CDH4: variants seen among roughly 807,000 people sequenced by gnomAD.
The protein encoded by CDH4 is cadherin-4.
A neutral mutation model predicts 86.0 loss-of-function variants in CDH4; 33 were observed. The observed-to-expected ratio is 0.38, with a 90% CI of 0.29 to 0.51. CDH4 has a LOEUF of 0.51. Ranked by LOEUF, CDH4 falls within the 20% of genes least tolerant of loss-of-function variation. CDH4 has a pLI of 0.86. For missense variants in CDH4, 1,114 were observed against 1,307.4 expected (o/e 0.85, Z 2.28); for synonymous variants, 555 against 549.4 (o/e 1.01, Z -0.14).
chr20:61,863,342 C>T (rs903206619), intron 6 of CDH4, among the ~76,000 whole-genome samples: 5 of 152,206 alleles, frequency 3.3e-5, no homozygotes, highest in African/African-American at 1.2e-4. Context: ...ATACTCAGGT[C>T]TGTCTGCTGG....
chr20:61,354,173 C>A (rs755960336), intron 2 of CDH4, among the ~76,000 whole-genome samples: 1 of 152,010 alleles, frequency 6.6e-6, no homozygotes, highest in Non-Finnish European at 1.5e-5. Context: ...GCTTAGGACG[C>A]CCCCCACCCC....
At chr20:61,833,585 A>G (rs1434017255) in intron 4 of CDH4, among the ~76,000 whole-genome samples, 1 of 149,480 alleles carries the variant, frequency 6.7e-6, no homozygotes, top group Non-Finnish European at 1.5e-5. Flanking sequence ...ATTTATTGAC[A>G]AAGCTCAGTA....
intron 13 of CDH4, among the ~76,000 whole-genome samples, chr20:61,931,799 A>G (rs539897326): frequency 8.0e-4 from 122 of 152,266 alleles, no homozygotes; most frequent in African/African-American, 2.8e-3. Context: ...GAAGGCAGGA[A>G]GAATCCAGTT....
intron 4 of CDH4, among the ~76,000 whole-genome samples, chr20:61,823,161 C>G (rs1981131267): frequency 8.0e-6 from 1 of 124,748 alleles, no homozygotes; most frequent in South Asian, 2.8e-4. Flanking sequence ...ATGAGGCCCA[C>G]TCACACTGTT....
intron 2 of CDH4, among the ~76,000 whole-genome samples, chr20:61,355,044 T>TCG (rs1417154714): frequency 1.5e-5 from 2 of 136,890 alleles, no homozygotes; most frequent in Non-Finnish European, 3.3e-5. Context: ...GGTTTTGGCT[T>TCG]CACACTCAGC....
In CDH4 at chr20:61,681,755, G is replaced by A. The variant is rs753801206; in HGVS notation, c.170-61808G>A. Among the ~76,000 whole-genome samples, 2 of 152,226 alleles carry A rather than the reference G, an allele frequency of 1.3e-5. No homozygotes were observed. Among genetic ancestry groups the A allele is most frequent in the African/African-American group, 2.4e-5 (1 of 41,462 alleles). On this transcript the variant is annotated intron_variant, in intron 2 of 15. Coordinates refer to ENST00000614565, the MANE Select transcript of CDH4 (RefSeq NM_001794.5). The surrounding 1 kb of genome is among the most constrained non-coding windows in gnomAD (Gnocchi z 4.5). ...TGCCACCCTAGAAAGCCCTGCGTCG[G>A]TGTTGCTGTGTTCTCAGGCCCGTGC...
At chr20:61,857,142 C>T (rs528933802) in intron 6 of CDH4, among the ~76,000 whole-genome samples, 1 of 152,272 alleles carries the variant, frequency 6.6e-6, no homozygotes, top group South Asian at 2.1e-4. Context: ...CATACCCCTC[C>T]CCGGGGCAGA....
intron 2 of CDH4, among the ~76,000 whole-genome samples, chr20:61,720,667 A>G (rs1301984450): frequency 1.3e-5 from 2 of 151,142 alleles, no homozygotes; most frequent in Non-Finnish European, 2.9e-5. Flanking sequence ...TGTTCTGTGT[A>G]TTTGCTTGCA....
chr20:61,827,371 C>T (rs1367560992), intron 4 of CDH4, among the ~76,000 whole-genome samples: 2 of 152,068 alleles, frequency 1.3e-5, no homozygotes, highest in Admixed American at 6.5e-5. Flanking sequence ...CTTTCAGTAA[C>T]CATGTTGTTT....
intron 15 of CDH4, among the ~76,000 whole-genome samples, chr20:61,935,472 TGTTA>T (rs1236337103): frequency 2.0e-5 from 3 of 151,682 alleles, no homozygotes; most frequent in Admixed American, 6.6e-5. Flanking sequence ...GCCCACTGTT[TGTTA>T]GCCAGGCGCG....
rs372588973 is a variant in CDH4 at position 61,619,248 on chromosome 20, G to C, written c.170-124315G>C. On this transcript the variant is annotated intron_variant, in intron 2 of 15. Transcript: ENST00000614565. Reference sequence around the variant, plus strand: ...CACTTGCTGGATGAAACTAGCCCCAGCCCCAGCCCCAGCTGCCATTCCCTC... The same window carrying C: ...CACTTGCTGGATGAAACTAGCCCCACCCCCAGCCCCAGCTGCCATTCCCTC... 3.3e-5 allele frequency among the ~76,000 whole-genome samples: 5 copies of C among 152,084 alleles called. No individual in the cohort carries two copies. The East Asian group carries it at 9.7e-4, about 29-fold the overall frequency.
At chr20:61,266,902 A>G (rs576863791) in intron 2 of CDH4, among the ~76,000 whole-genome samples, 1 of 152,336 alleles carries the variant, frequency 6.6e-6, no homozygotes, top group East Asian at 1.9e-4. Context: ...CAGAATCTCT[A>G]GATGAGATCA....
At position 61,676,328 on chromosome 20, in the gene CDH4, C is replaced by A. The variant is rs939760461; in HGVS notation, c.170-67235C>A. Reference sequence around the variant, plus strand: ...AAATGAATAGTGCGATTGAATACTGCGGCCCCCAGAGGAGGTGGGATTGCA... The same window carrying A: ...AAATGAATAGTGCGATTGAATACTGAGGCCCCCAGAGGAGGTGGGATTGCA... On this transcript the variant is annotated intron_variant, in intron 2 of 15. Coordinates refer to ENST00000614565, the MANE Select transcript of CDH4 (RefSeq NM_001794.5). This position sits in a 1 kb window ranked among gnomAD's most constrained non-coding sequence, Gnocchi z 4.5. Among the ~76,000 whole-genome samples, 1 of 152,200 alleles carries A rather than the reference C, an allele frequency of 6.6e-6. No homozygotes were observed. Among genetic ancestry groups the A allele is most frequent in the Non-Finnish European group, 1.5e-5 (1 of 68,040 alleles).
rs1237002552 is a variant in CDH4, at chr20:61,626,183, T to C, written c.170-117380T>C. On this transcript the variant is annotated intron_variant, in intron 2 of 15. Transcript: ENST00000614565. Reference sequence around the variant, plus strand: ...ATTCTAGAGGTGGCAGTGGGAGAGTTGTTAACCAGAATTGAACTGTCGACT... The same window carrying C: ...ATTCTAGAGGTGGCAGTGGGAGAGTCGTTAACCAGAATTGAACTGTCGACT... 5.3e-5 allele frequency among the ~76,000 whole-genome samples: 8 copies of C among 152,104 alleles called. No homozygotes were observed. In the East Asian group the frequency reaches 1.5e-3, roughly 29 times the overall value.
At chr20:61,766,918 C>T (rs533862887) in intron 3 of CDH4, among the ~76,000 whole-genome samples, 1 of 152,350 alleles carries the variant, frequency 6.6e-6, no homozygotes, top group East Asian at 1.9e-4. Flanking sequence ...GTTTGAACCT[C>T]CTGCCTGATT....
At position 61,800,028 on chromosome 20, in the gene CDH4, T is replaced by C. The variant is rs375611783; in HGVS notation, c.576+26846T>C. On this transcript the variant is annotated intron_variant, in intron 4 of 15. Transcript: ENST00000614565. ...CTGCAGCGGCCCTCGGTGGGCACAG[T>C]CACCGGGCCGGCTTCCCCGCCTGTG... 5.9e-5 allele frequency among the ~76,000 whole-genome samples: 9 copies of C among 152,136 alleles called. 1 individual carries two copies. The highest frequency in any genetic ancestry group is 1.9e-4 in the East Asian group (1 of 5,152).
At chr20:61,688,538 ACCTGCTTCTCGG>A (rs1472587335) in intron 2 of CDH4, among the ~76,000 whole-genome samples, 5 of 152,212 alleles carry the variant, frequency 3.3e-5, no homozygotes, top group African/African-American at 1.2e-4. Context: ...TGGGCAGGAC[ACCTGCTTCTCGG>A]CCGCCTTCCG....
At chr20:61,860,763 T>C (rs1983287463) in intron 6 of CDH4, among the ~76,000 whole-genome samples, 1 of 152,158 alleles carries the variant, frequency 6.6e-6, no homozygotes, top group Non-Finnish European at 1.5e-5. Flanking sequence ...AAGCCACAGC[T>C]GGTTTCCCCC....
intron 2 of CDH4, among the ~76,000 whole-genome samples, chr20:61,528,436 G>A (rs1460718929): frequency 8.6e-6 from 1 of 116,198 alleles, no homozygotes; most frequent in Non-Finnish European, 1.8e-5. Context: ...AGGAGGGGAA[G>A]GGAGGGGAGG....
Sources: gnomAD v4.1 joint callset for allele counts (sites outside exome capture counted in the v4.1 genomes callset) on GRCh38, gnomAD v4.1.1 for gene constraint, Gnocchi (gnomAD v3.1) non-coding constraint, MANE v1.5 for transcripts, NCBI Gene and HGNC (gene_info 2026-07-23, HGNC 2026-07-21) for gene names.